ANO10: variants seen among roughly 807,000 people sequenced by gnomAD.
ANO10 encodes anoctamin-10.
ANO10 carries 77 observed loss-of-function variants against 74.7 expected under a neutral mutation model. That is an observed-to-expected ratio of 1.03 (90% confidence interval 0.86 to 1.25). The LOEUF is 1.25. ANO10 is among the 50% of genes most tolerant of loss of function. The probability of loss-of-function intolerance (pLI) is 0.00; values close to 1 mark genes in which losing one functional copy is unlikely to be tolerated. For synonymous variants in ANO10, 279 were observed against 284.9 expected, an observed-to-expected ratio of 0.98 and a Z score of 0.21; for missense variants, 721 against 778.1, an observed-to-expected ratio of 0.93 and a Z score of 0.87.
At chr3:43,473,054 A>AATTCTGT (rs2075926356) in intron 11 of ANO10, among the ~76,000 whole-genome samples, 2 of 152,212 alleles carry the variant, frequency 1.3e-5, no homozygotes, top group African/African-American at 4.8e-5. Context: ...GTATATTTGA[A>AATTCTGT]AATTTCAAAG....
intron 4 of ANO10, among the ~76,000 whole-genome samples, chr3:43,587,178 G>A (rs2081518136): frequency 6.6e-6 from 1 of 152,138 alleles, no homozygotes. Context: ...AAGAACAAGA[G>A]TGCCTACATT....
At chr3:43,509,294 CCAA>C (rs1183050704) in intron 11 of ANO10, among the ~76,000 whole-genome samples, 4 of 151,722 alleles carry the variant, frequency 2.6e-5, no homozygotes, top group Admixed American at 6.6e-5. Flanking sequence ...GTGCAGCACA[CCAA>C]CATGGCACAT....
chr3:43,525,360 T>C (rs577202543), intron 11 of ANO10, among the ~76,000 whole-genome samples: 2 of 152,288 alleles, frequency 1.3e-5, no homozygotes, highest in East Asian at 3.9e-4. Flanking sequence ...TAAAAACACC[T>C]TTCAGACTCC....
intron 12 of ANO10, among the ~76,000 whole-genome samples, chr3:43,372,017 G>A (rs1559484384): frequency 6.6e-6 from 1 of 152,200 alleles, no homozygotes; most frequent in Non-Finnish European, 1.5e-5. Context: ...GCAGCAGCCT[G>A]TCAGGCGGTC....
At chr3:43,516,268 G>GGCATCA (rs2077707924) in intron 11 of ANO10, among the ~76,000 whole-genome samples, 1 of 152,152 alleles carries the variant, frequency 6.6e-6, no homozygotes. Flanking sequence ...GGAAAACTGA[G>GGCATCA]GGAAAGGTGA....
chr3:43,374,981 C>T (rs999707561), intron 12 of ANO10, among the ~76,000 whole-genome samples: 6 of 151,652 alleles, frequency 4.0e-5, no homozygotes, highest in African/African-American at 9.7e-5. Context: ...ATTAGCTGGG[C>T]GTGGCGGCAG....
chr3:43,601,814 G>T (rs950290023), intron 2 of ANO10, among the ~76,000 whole-genome samples: 1 of 152,140 alleles, frequency 6.6e-6, no homozygotes, highest in Non-Finnish European at 1.5e-5. Flanking sequence ...TGCAAAGATG[G>T]AAAGTTTGGT....
At chr3:43,517,193 T>C (rs908438033) in intron 11 of ANO10, among the ~76,000 whole-genome samples, 3 of 152,232 alleles carry the variant, frequency 2.0e-5, no homozygotes, top group East Asian at 1.9e-4. Flanking sequence ...AACAATTTTA[T>C]TGAATGTCAA....
At chr3:43,488,393 T>C (rs2076584023) in intron 11 of ANO10, among the ~76,000 whole-genome samples, 1 of 148,204 alleles carries the variant, frequency 6.7e-6, no homozygotes, top group South Asian at 2.1e-4. Flanking sequence ...ACCTACAAAA[T>C]GGGAGAAAAT....
chr3:43,595,814 G>A (rs1400814398), intron 4 of ANO10, among the ~76,000 whole-genome samples: 1 of 152,180 alleles, frequency 6.6e-6, no homozygotes, highest in Non-Finnish European at 1.5e-5. Context: ...AAAAGAGGAA[G>A]TCAAATTGTC....
intron 1 of ANO10, among the ~76,000 whole-genome samples, chr3:43,688,613 A>G (rs2084305954): frequency 6.6e-6 from 1 of 151,942 alleles, no homozygotes; most frequent in Non-Finnish European, 1.5e-5. Flanking sequence ...GAGGCAGTGG[A>G]GGGAGGATCA....
At chr3:43,551,588 TCTG>T (rs932863434) in intron 10 of ANO10, 2 of 456,768 alleles carry the variant, frequency 4.4e-6, no homozygotes, top group African/African-American at 2.0e-5. Context: ...CAAAATATGA[TCTG>T]CTTTTTGTCA....
intron 11 of ANO10, among the ~76,000 whole-genome samples, chr3:43,499,447 T>C (rs1424227792): frequency 2.0e-5 from 3 of 151,944 alleles, no homozygotes; most frequent in South Asian, 2.1e-4. Context: ...AAAGGAAGTA[T>C]AGGAAGTAGG....
At chr3:43,685,756 T>G (rs112512966) in intron 1 of ANO10, among the ~76,000 whole-genome samples, 3 of 152,268 alleles carry the variant, frequency 2.0e-5, no homozygotes, top group African/African-American at 7.2e-5. Flanking sequence ...ATCTTGCAGC[T>G]GTTTATGGCT....
At chr3:43,691,114 G>C in intron 1 of ANO10, 21 of 1,395,862 alleles carry the variant, frequency 1.5e-5, no homozygotes, top group Non-Finnish European at 2.0e-5. Flanking sequence ...GGGCCCAGCG[G>C]GCAGCACCAA....
chr3:43,468,925 T>C (rs2075740509), intron 11 of ANO10, among the ~76,000 whole-genome samples: 1 of 151,846 alleles, frequency 6.6e-6, no homozygotes, highest in African/African-American at 2.4e-5. Flanking sequence ...TTAGCCAGGA[T>C]GGTCTCAATC....
At chr3:43,689,441 G>A (rs1215854407) in intron 1 of ANO10, 2 of 152,140 alleles carry the variant, frequency 1.3e-5, no homozygotes, top group Non-Finnish European at 2.9e-5. Context: ...AGGTCACTTT[G>A]AATATACGGC....
intron 1 of ANO10, among the ~76,000 whole-genome samples, chr3:43,613,756 AC>A (rs1398143274): frequency 6.6e-6 from 1 of 152,216 alleles, no homozygotes; most frequent in Non-Finnish European, 1.5e-5. Flanking sequence ...AATATCAAAT[AC>A]AATAAACACT....
chr3:43,675,500 T>C (rs750454152), intron 1 of ANO10, among the ~76,000 whole-genome samples: 5 of 152,136 alleles, frequency 3.3e-5, no homozygotes, highest in Non-Finnish European at 5.9e-5. Flanking sequence ...GACAAAGGAC[T>C]GGTATCTACA....
Sources: gnomAD v4.1 joint callset for allele counts (sites outside exome capture counted in the v4.1 genomes callset) on GRCh38, gnomAD v4.1.1 for gene constraint, MANE v1.5 for transcripts, NCBI Gene and HGNC (gene_info 2026-07-23, HGNC 2026-07-21) for gene names.